SLC1A2: variants seen among roughly 807,000 people sequenced by gnomAD.
SLC1A2 encodes the protein excitatory amino acid transporter 2.
A neutral mutation model predicts 48.8 loss-of-function variants in SLC1A2; 15 were observed. That is an observed-to-expected ratio of 0.31 (90% CI 0.21 to 0.47). The LOEUF (loss-of-function observed/expected upper bound fraction) is 0.47. SLC1A2 is among the 20% of genes least tolerant of loss of function. The pLI is 0.99. For synonymous variants in SLC1A2, 279 were observed against 272.6 expected, an observed-to-expected ratio of 1.02 and a Z score of -0.23; for missense variants, 502 against 730.5, an observed-to-expected ratio of 0.69 and a Z score of 3.61.
At chr11:35,416,124 A>G (rs183108376) in intron 1 of SLC1A2, among the ~76,000 whole-genome samples, 1 of 152,322 alleles carries the variant, frequency 6.6e-6, no homozygotes, top group Admixed American at 6.5e-5. Context: ...ACTGGATGCT[A>G]ATAATCTCAA....
At chr11:35,307,994 G>A (rs1366715296) in intron 4 of SLC1A2, among the ~76,000 whole-genome samples, 1 of 152,118 alleles carries the variant, frequency 6.6e-6, no homozygotes, top group East Asian at 1.9e-4. Context: ...GAGAATGCAG[G>A]GAGGATCACA....
At chr11:35,280,257 G>A (rs1195589529) in intron 9 of SLC1A2, 2 of 152,162 alleles carry the variant, frequency 1.3e-5, no homozygotes, top group African/African-American at 4.8e-5. Flanking sequence ...CGCCTCCCGA[G>A]TTTAAGCAAT....
rs1292051084 is a variant in SLC1A2, at chr11:35,397,116, C to T, written c.17+21834G>A. 1.4e-3 allele frequency among the ~76,000 whole-genome samples: 210 copies of T among 148,070 alleles called. 1 individual carries two copies. The highest frequency in any genetic ancestry group is 0.013 in the Admixed American group (198 of 14,820). Reference sequence around the variant, plus strand: ...TGGCCATACTGCCCAAGGTAATTTACAGATTCAATGCCATCCCCATCAAGC... The same window carrying T: ...TGGCCATACTGCCCAAGGTAATTTATAGATTCAATGCCATCCCCATCAAGC... On this transcript the variant is annotated intron_variant, in intron 1 of 10. Transcript: ENST00000278379.
chr11:35,344,705 A>G (rs1313898581), intron 1 of SLC1A2, among the ~76,000 whole-genome samples: 1 of 152,112 alleles, frequency 6.6e-6, no homozygotes, highest in East Asian at 1.9e-4. Context: ...AAGAAGGCCA[A>G]CCTCCCTCTT....
intron 4 of SLC1A2, 88 bp from the exon 5 acceptor site, chr11:35,306,330 G>T: frequency 3.0e-6 from 3 of 988,092 alleles, no homozygotes; most frequent in Non-Finnish European, 4.5e-6. Context: ...ATATTTTAAG[G>T]TTCCCAACAG....
chr11:35,375,443 A>C lies in SLC1A2; in HGVS notation c.17+43507T>G, dbSNP rs567369729. On this transcript the variant is annotated intron_variant, in intron 1 of 10. Transcript: ENST00000278379. ...CAGAACAAAGTGGTCAGTAAAGCAG[A>C]GTAGAAGAAGCGGGCCTGGGGCCAT... Among the ~76,000 whole-genome samples the C allele has an allele frequency of 1.6e-3, 248 of 152,346 alleles. 3 individuals are homozygous for C. The highest frequency in any genetic ancestry group is 1.5e-3 in the East Asian group (8 of 5,188).
chr11:35,369,963 AACTT>A (rs1250304350), intron 1 of SLC1A2, among the ~76,000 whole-genome samples: 24 of 152,224 alleles, frequency 1.6e-4, no homozygotes, highest in African/African-American at 5.5e-4. Flanking sequence ...GGTAAAGTAA[AACTT>A]ACCAGACTCA....
At chr11:35,296,828 C>T (rs902155082) in intron 6 of SLC1A2, among the ~76,000 whole-genome samples, 2 of 152,134 alleles carry the variant, frequency 1.3e-5, no homozygotes, top group African/African-American at 4.8e-5. Context: ...CACTATCTCT[C>T]GCTATTGCAC....
chr11:35,410,296 T>G (rs139945410), intron 1 of SLC1A2, among the ~76,000 whole-genome samples: 5 of 152,308 alleles, frequency 3.3e-5, no homozygotes, highest in African/African-American at 7.2e-5. Context: ...ATACTTAAAA[T>G]CTACTGTTCT....
chr11:35,315,358 C>T, intron 2 of SLC1A2, 183 bp from the exon 3 acceptor site: 1 of 500,116 alleles, frequency 2.0e-6, no homozygotes, highest in South Asian at 2.6e-5. Flanking sequence ...AGAGAACTTT[C>T]TATACCTCCA....
chr11:35,255,350 G>A lies in SLC1A2; in HGVS notation c.*5544C>T, dbSNP rs1300948056. 6.6e-6 allele frequency: 1 copy of A among 152,404 alleles called. No homozygotes were observed. Among genetic ancestry groups the A allele is most frequent in the East Asian group, 1.9e-4 (1 of 5,200 alleles). The allele number at this position is 152,404 out of a possible 1,614,324, so 9.4% of individuals were successfully genotyped here. ...CTAATCAGGCCTTGAAGAGGGCAATGATAGTCAGAAAATTCCATTCTTGTA... is the reference window on the plus strand; with the variant it reads ...CTAATCAGGCCTTGAAGAGGGCAATAATAGTCAGAAAATTCCATTCTTGTA... On this transcript the variant is annotated 3_prime_UTR_variant, in exon 11 of 11. Transcript: ENST00000278379.
At chr11:35,307,203 T>G (rs1164197648) in intron 4 of SLC1A2, 2 of 94,704 alleles carry the variant, frequency 2.1e-5, no homozygotes, top group African/African-American at 7.0e-5. Context: ...CTGCCTCAGT[T>G]TGGGCTCCTT....
chr11:35,307,308 T>A (rs1591453039), intron 4 of SLC1A2: 1 of 152,118 alleles, frequency 6.6e-6, no homozygotes, highest in African/African-American at 2.4e-5. Flanking sequence ...ATATTTCAGA[T>A]CCAAATTCAA....
At position 35,419,403 on chromosome 11, in the gene SLC1A2, T is replaced by TGCGC. The variant is rs1211359023; in HGVS notation, c.-441_-438dup. Reference sequence around the variant, plus strand: ...GGTGGCAGAGGACGGTGAGCGTGCGTGCGCGTGTGCGGGTGTGTGCGCGCC... The same window carrying TGCGC: ...GGTGGCAGAGGACGGTGAGCGTGCGTGCGCGCGCGTGTGCGGGTGTGTGCGCGCC... On this transcript the variant is annotated 5_prime_UTR_variant, in exon 1 of 11. Coordinates refer to ENST00000278379, the MANE Select transcript of SLC1A2 (RefSeq NM_004171.4). The surrounding 1 kb of genome is among the most constrained non-coding windows in gnomAD (Gnocchi z 5.4). 4 of 194,858 alleles carry TGCGC rather than the reference T, an allele frequency of 2.1e-5. No individual in the cohort carries two copies. Among genetic ancestry groups the TGCGC allele is most frequent in the East Asian group, 2.4e-4 (2 of 8,248 alleles). 12.1% of individuals were successfully genotyped at this position (194,858 alleles called of 1,614,324 possible).
intron 1 of SLC1A2, chr11:35,380,430 T>A: frequency 2.5e-6 from 1 of 398,540 alleles, no homozygotes; most frequent in Non-Finnish European, 4.4e-6. Flanking sequence ...TATGTGCGAG[T>A]TATTCTAGGT....
Position 35,373,740 on chromosome 11 carries a change from T to C in SLC1A2, c.17+45210A>G, listed in dbSNP as rs1854133720. On this transcript the variant is annotated intron_variant, in intron 1 of 10. Transcript: ENST00000278379. ...GTCTGAGAACTGGGCAAGGAGCCAT[T>C]GCCATGATACAGAGCACTGGGTCAA... Among the ~76,000 whole-genome samples the C allele has an allele frequency of 2.0e-5, 3 of 152,106 alleles. No homozygotes were observed. In the South Asian group the frequency reaches 6.2e-4, roughly 32 times the overall value.
At chr11:35,289,122 G>A (rs1565216661) in intron 7 of SLC1A2, among the ~76,000 whole-genome samples, 2 of 152,174 alleles carry the variant, frequency 1.3e-5, no homozygotes. Flanking sequence ...TTAACAGACT[G>A]CACTGAAGTT....
intron 1 of SLC1A2, among the ~76,000 whole-genome samples, chr11:35,360,609 G>C (rs576477635): frequency 6.6e-6 from 1 of 152,332 alleles, no homozygotes; most frequent in East Asian, 1.9e-4. Context: ...TTAAGGCCCA[G>C]AGATGCCCCA....
intron 1 of SLC1A2, among the ~76,000 whole-genome samples, chr11:35,394,973 G>T (rs1854906109): frequency 6.6e-6 from 1 of 152,170 alleles, no homozygotes; most frequent in African/African-American, 2.4e-5. Flanking sequence ...GCTAAGCGTG[G>T]GTCAATGCTC....
Sources: allele counts gnomAD v4.1 joint callset (sites outside exome capture counted in the v4.1 genomes callset), GRCh38; gene constraint gnomAD v4.1.1; non-coding constraint Gnocchi (gnomAD v3.1); transcripts MANE v1.5; gene names NCBI Gene and HGNC (gene_info 2026-07-23, HGNC 2026-07-21).